Variants in TTC3 observed in about 807,000 individuals in gnomAD.
TTC3 encodes the protein E3 ubiquitin-protein ligase TTC3.
A neutral mutation model predicts 249.6 loss-of-function variants in TTC3; 180 were observed. The observed-to-expected ratio is 0.72, with a 90% CI of 0.64 to 0.82. TTC3 has a LOEUF of 0.82. Among genes scored for constraint, TTC3 ranks in the 40% least tolerant of loss-of-function variants. The pLI is 0.00. For synonymous variants in TTC3, 717 were observed against 805.0 expected, an observed-to-expected ratio of 0.89 and a Z score of 1.85; for missense variants, 2,061 against 2,398.4, an observed-to-expected ratio of 0.86 and a Z score of 2.94.
chr21:37,188,590 T>G, exon 39 of TTC3: 2 of 1,613,900 alleles, frequency 1.2e-6, no homozygotes, highest in South Asian at 1.1e-5. Context: ...TGGGGCTGAT[T>G]AGCCGGTATT....
At chr21:37,128,315 C>T (rs142941518) in intron 15 of TTC3, among the ~76,000 whole-genome samples, 2 of 152,310 alleles carry the variant, frequency 1.3e-5, no homozygotes, top group South Asian at 2.1e-4. Flanking sequence ...GTTTCCTACT[C>T]CTGCCAGCAG....
chr21:37,076,953 G>A (rs1283369130), intron 1 of TTC3, among the ~76,000 whole-genome samples: 2 of 151,868 alleles, frequency 1.3e-5, no homozygotes, highest in Admixed American at 6.6e-5. Flanking sequence ...TGCCCGACTC[G>A]GCCTCCCAAA....
Position 37,195,997 on chromosome 21 carries a change from T to G in TTC3, c.5540T>G (p.Ile1847Ser), listed in dbSNP as rs1166316793. 3 of 1,613,986 alleles carry G rather than the reference T, an allele frequency of 1.9e-6. No individual in the cohort carries two copies. In the African/African-American group the frequency reaches 4.0e-5, roughly 22 times the overall value. The change falls in exon 42 of 46, where the codon ATT becomes AGT. Residue 1847 changes from isoleucine (I) to serine (S), a missense_variant. Coordinates refer to ENST00000355666, the Ensembl canonical transcript of TTC3. ...TCTCCAAAAAAGCCGTTCAATAGTA[T>G]TATTGAGCACCTGTCAGTGGTATTC...
At chr21:37,117,704 C>T (rs994262175) in intron 11 of TTC3, among the ~76,000 whole-genome samples, 2 of 151,666 alleles carry the variant, frequency 1.3e-5, no homozygotes, top group Non-Finnish European at 2.9e-5. Context: ...ATGGCAAAAC[C>T]ATATCTTTAC....
chr21:37,174,112 A>T (rs1012078278), intron 35 of TTC3, among the ~76,000 whole-genome samples: 4 of 151,732 alleles, frequency 2.6e-5, no homozygotes, highest in African/African-American at 9.7e-5. Flanking sequence ...TCCTGGCTTT[A>T]TAAATTGCTG....
At chr21:37,104,025 C>T (rs778814292) in intron 10 of TTC3, among the ~76,000 whole-genome samples, 10 of 152,036 alleles carry the variant, frequency 6.6e-5, no homozygotes, top group Non-Finnish European at 1.3e-4. Flanking sequence ...GAGGCTGTTG[C>T]AGTAGCCCAG....
chr21:37,103,824 G>A (rs1206685891), intron 10 of TTC3, among the ~76,000 whole-genome samples: 2 of 152,114 alleles, frequency 1.3e-5, no homozygotes, highest in East Asian at 1.9e-4. Context: ...TGAATACAGA[G>A]GAGAGGGTAG....
Position 37,182,536 on chromosome 21 carries a change from G to A in TTC3, c.4618-238G>A, listed in dbSNP as rs562600208. 5.9e-5 allele frequency among the ~76,000 whole-genome samples: 9 copies of A among 152,280 alleles called. No individual in the cohort carries two copies. The South Asian group carries it at 1.2e-3, about 21-fold the overall frequency. ...TCTGGGCACGTCGGAGTGGTTCTTCGGGGTGTCTTACTGTAATCAGGTACA... is the reference window on the plus strand; with the variant it reads ...TCTGGGCACGTCGGAGTGGTTCTTCAGGGTGTCTTACTGTAATCAGGTACA... On this transcript the variant is annotated intron_variant, in intron 35 of 45. Coordinates refer to ENST00000355666, the Ensembl canonical transcript of TTC3.
intron 1 of TTC3, chr21:37,082,513 G>A: frequency 1.0e-6 from 1 of 985,248 alleles, no homozygotes; most frequent in Non-Finnish European, 1.2e-6. Context: ...AGTTTAGCTG[G>A]CATCACTTTT....
chr21:37,162,040 C>A (rs1280542115), exon 31 of TTC3: 10 of 1,586,530 alleles, frequency 6.3e-6, no homozygotes, highest in Non-Finnish European at 8.6e-6. Flanking sequence ...ATAATGAGAT[C>A]ATCACTTCAA....
chr21:37,082,898 C>T (rs2071896464), intron 1 of TTC3: 2 of 978,596 alleles, frequency 2.0e-6, no homozygotes, highest in Non-Finnish European at 2.4e-6. Context: ...TTGGTGATAC[C>T]AACATTTCCA....
At chr21:37,151,705 G>A (rs781628772) in intron 25 of TTC3, among the ~76,000 whole-genome samples, 188 bp from the exon 26 acceptor site, 4 of 152,080 alleles carry the variant, frequency 2.6e-5, no homozygotes, top group Non-Finnish European at 5.9e-5. Context: ...AATCATTGAG[G>A]TTTTTGTTTT....
intron 27 of TTC3, among the ~76,000 whole-genome samples, chr21:37,155,254 TC>T (rs10707998): frequency 1 from 152,102 of 152,102 alleles, 76,051 homozygotes; most frequent in Non-Finnish European, 1. Context: ...ATAAGAGAGG[TC>T]CAGTTTTTAT....
chr21:37,192,803 A>G (rs1004524577), intron 41 of TTC3, among the ~76,000 whole-genome samples: 3 of 152,198 alleles, frequency 2.0e-5, no homozygotes, highest in Admixed American at 2.0e-4. Flanking sequence ...ATAACAGTGA[A>G]TAATCTTGTC....
At chr21:37,097,491 T>G (rs952113567) in intron 10 of TTC3, among the ~76,000 whole-genome samples, 2 of 152,196 alleles carry the variant, frequency 1.3e-5, no homozygotes, top group African/African-American at 4.8e-5. Flanking sequence ...CATAAGGTCC[T>G]GCATAGGTAT....
chr21:37,186,867 A>C (rs532974066), intron 37 of TTC3, among the ~76,000 whole-genome samples, 182 bp from the exon 38 acceptor site: 1 of 152,336 alleles, frequency 6.6e-6, no homozygotes, highest in Admixed American at 6.5e-5. Context: ...ATCACTTATA[A>C]AGCACAAAGA....
intron 10 of TTC3, chr21:37,096,880 A>G (rs2073999374): frequency 2.8e-6 from 1 of 358,914 alleles, no homozygotes; most frequent in Non-Finnish European, 5.0e-6. Flanking sequence ...TGCATATGTT[A>G]TTTGGTTCTC....
Position 37,195,658 on chromosome 21 carries a change from T to C in TTC3, c.5218-17T>C. 6.3e-7 allele frequency: 1 copy of C among 1,582,852 alleles called. No individual in the cohort carries two copies. The highest frequency in any genetic ancestry group is 8.6e-7 in the Non-Finnish European group (1 of 1,163,438). On this transcript the variant is annotated splice_polypyrimidine_tract_variant and intron_variant, in intron 41 of 45. Coordinates refer to ENST00000355666, the Ensembl canonical transcript of TTC3. ...GGGAAGCCCTAAGTGATCCATGGTG[T>C]GGTGTGTTCCTCACAGGTTCATCCC...
In TTC3 at chr21:37,192,101, T is replaced by C; in HGVS notation, c.5116-11T>C. 1 of 1,560,456 alleles carries C rather than the reference T, an allele frequency of 6.4e-7. No homozygotes were observed. The highest frequency in any genetic ancestry group is 1.8e-4 in the Middle Eastern group (1 of 5,544). On this transcript the variant is annotated splice_polypyrimidine_tract_variant and intron_variant, in intron 40 of 45. Transcript: ENST00000355666. ...ATTGTGGTTTTCCCACACTTTACTT[T>C]CTACTCACAGTCTCAGTTTGAAGAA... is the stretch of plus-strand genomic sequence containing the variant.
Sources: gnomAD v4.1 joint callset for allele counts (sites outside exome capture counted in the v4.1 genomes callset) on GRCh38, gnomAD v4.1.1 for gene constraint, MANE v1.5 for transcripts, NCBI Gene and HGNC (gene_info 2026-07-23, HGNC 2026-07-21) for gene names.